CTNNA3: variants seen among roughly 807,000 people sequenced by gnomAD.
CTNNA3 encodes catenin alpha 3.
Under a neutral mutation model 95.7 loss-of-function variants are expected in CTNNA3, and 76 were observed. That is an observed-to-expected ratio of 0.79 (90% confidence interval 0.66 to 0.96). The LOEUF is 0.96. CTNNA3 is among the 40% of genes least tolerant of loss of function. The pLI, the probability that CTNNA3 is intolerant of heterozygous loss-of-function variation, is 0.00. For missense variants in CTNNA3, 1,191 were observed against 1,089.8 expected, an observed-to-expected ratio of 1.09 and a Z score of -1.31; for synonymous variants, 431 against 374.4, an observed-to-expected ratio of 1.15 and a Z score of -1.74.
At chr10:66,744,519 A>G (rs1849437543) in intron 9 of CTNNA3, among the ~76,000 whole-genome samples, 1 of 152,144 alleles carries the variant, frequency 6.6e-6, no homozygotes, top group South Asian at 2.1e-4. Flanking sequence ...GTGATTCAGG[A>G]CAACTCTATT....
chr10:67,457,570 A>G (rs1344000188), intron 5 of CTNNA3, among the ~76,000 whole-genome samples: 1 of 152,206 alleles, frequency 6.6e-6, no homozygotes, highest in Non-Finnish European at 1.5e-5. Context: ...ACAAATTATC[A>G]CAAATTTGGC....
intron 11 of CTNNA3, among the ~76,000 whole-genome samples, chr10:66,502,843 G>T (rs1449467071): frequency 6.6e-6 from 1 of 152,116 alleles, no homozygotes; most frequent in Non-Finnish European, 1.5e-5. Flanking sequence ...GCCACATATT[G>T]TTATTTTGTT....
chr10:66,213,809 T>A (rs2088334444), intron 13 of CTNNA3, among the ~76,000 whole-genome samples: 1 of 152,204 alleles, frequency 6.6e-6, no homozygotes, highest in Non-Finnish European at 1.5e-5. Flanking sequence ...GAAAGGGTAG[T>A]AGGCTACTGC....
chr10:67,196,176 T>G (rs189876058), intron 6 of CTNNA3, among the ~76,000 whole-genome samples: 1 of 152,204 alleles, frequency 6.6e-6, no homozygotes, highest in Non-Finnish European at 1.5e-5. Flanking sequence ...CCCTTTTGTC[T>G]AGTATATTTC....
chr10:67,309,985 C>A (rs909059360), intron 5 of CTNNA3, among the ~76,000 whole-genome samples: 1 of 152,132 alleles, frequency 6.6e-6, no homozygotes, highest in African/African-American at 2.4e-5. Flanking sequence ...TTTACCCAAA[C>A]AAGCTCCAGA....
chr10:67,255,280 A>G (rs957889907), intron 5 of CTNNA3, among the ~76,000 whole-genome samples: 4 of 152,046 alleles, frequency 2.6e-5, no homozygotes, highest in Non-Finnish European at 5.9e-5. Flanking sequence ...GGGCAACAAG[A>G]GCAAAACTCC....
At chr10:66,439,049 T>A (rs4628575) in intron 11 of CTNNA3, among the ~76,000 whole-genome samples, 17,811 of 152,038 alleles carry the variant, frequency 0.12, 1,513 homozygotes, top group African/African-American at 0.24. Context: ...CCCAATGAGA[T>A]GAGTCAGGTA....
intron 5 of CTNNA3, among the ~76,000 whole-genome samples, chr10:67,221,266 C>G (rs977570144): frequency 3.3e-5 from 5 of 152,130 alleles, no homozygotes; most frequent in Admixed American, 6.5e-5. Flanking sequence ...ACCACCTTTG[C>G]AACTTTTCTG....
At chr10:67,546,336 T>C (rs1840843346) in intron 3 of CTNNA3, among the ~76,000 whole-genome samples, 1 of 152,136 alleles carries the variant, frequency 6.6e-6, no homozygotes, top group Admixed American at 6.6e-5. Context: ...TCTCTTTTTG[T>C]TGCCCAAGCT....
At chr10:66,529,140 T>C (rs1841370417) in intron 10 of CTNNA3, among the ~76,000 whole-genome samples, 2 of 152,240 alleles carry the variant, frequency 1.3e-5, no homozygotes, top group Admixed American at 1.3e-4. Flanking sequence ...TATTATAATT[T>C]TTTTGAGACA....
At chr10:66,813,954 C>A (rs973997081) in intron 7 of CTNNA3, among the ~76,000 whole-genome samples, 7 of 151,858 alleles carry the variant, frequency 4.6e-5, no homozygotes, top group African/African-American at 1.7e-4. Context: ...ATGAAGGAAG[C>A]CTAAATTACG....
intron 11 of CTNNA3, among the ~76,000 whole-genome samples, chr10:66,500,888 T>C (rs1840256970): frequency 1.3e-5 from 2 of 152,230 alleles, no homozygotes; most frequent in East Asian, 1.9e-4. Flanking sequence ...AAAATTAATA[T>C]TTATAATTAA....
rs1404672438 is a variant in CTNNA3, at chr10:66,268,961, A to G, written c.1884+11509T>C. ...AGGAAAACAGGCTGGCATCAGACCA[A>G]CGTAAGGTTGATAAATAAACCATCA... On this transcript the variant is annotated intron_variant, in intron 13 of 17. Coordinates refer to ENST00000433211, the MANE Select transcript of CTNNA3 (RefSeq NM_013266.4). Among the ~76,000 whole-genome samples the G allele has an allele frequency of 2.6e-5, 4 of 152,180 alleles. No individual in the cohort carries two copies. In the East Asian group the frequency reaches 5.8e-4, roughly 22 times the overall value.
rs1349180369 is a variant in CTNNA3, at chr10:67,277,143, A to G, written c.580-57273T>C. On this transcript the variant is annotated intron_variant, in intron 5 of 17. Coordinates refer to ENST00000433211, the MANE Select transcript of CTNNA3 (RefSeq NM_013266.4). ...AATTAAGAAGAATATGCTGATCATC[A>G]CTCTACTTTATTGTTTCAAATTATC... Among the ~76,000 whole-genome samples, 3 of 152,062 alleles carry G rather than the reference A, an allele frequency of 2.0e-5. No homozygotes were observed. In the South Asian group the frequency reaches 6.2e-4, roughly 31 times the overall value.
chr10:67,008,521 A>G (rs752469877), intron 7 of CTNNA3, among the ~76,000 whole-genome samples: 1 of 152,106 alleles, frequency 6.6e-6, no homozygotes, highest in Non-Finnish European at 1.5e-5. Flanking sequence ...TATAAGAACA[A>G]TAATGTATTT....
intron 13 of CTNNA3, among the ~76,000 whole-genome samples, chr10:66,267,843 T>C (rs2091191359): frequency 6.6e-6 from 1 of 152,118 alleles, no homozygotes; most frequent in Non-Finnish European, 1.5e-5. Context: ...TATAGCTTAA[T>C]ATCTTAAATT....
intron 7 of CTNNA3, among the ~76,000 whole-genome samples, chr10:66,991,784 G>A (rs151098765): frequency 1.3e-5 from 2 of 152,272 alleles, no homozygotes; most frequent in African/African-American, 4.8e-5. Flanking sequence ...TATATCACAT[G>A]TAGGATATTT....
intron 12 of CTNNA3, among the ~76,000 whole-genome samples, chr10:66,343,795 A>G (rs555248644): frequency 3.9e-5 from 6 of 152,208 alleles, no homozygotes; most frequent in African/African-American, 1.4e-4. Context: ...GTGCATTACT[A>G]TACATTATAT....
chr10:66,338,889 A>T (rs1261508929), intron 12 of CTNNA3, among the ~76,000 whole-genome samples: 1 of 151,944 alleles, frequency 6.6e-6, no homozygotes, highest in African/African-American at 2.4e-5. Context: ...TACGCATGAA[A>T]TAATTTTAAA....
Sources: gnomAD v4.1 joint callset for allele counts (sites outside exome capture counted in the v4.1 genomes callset) on GRCh38, gnomAD v4.1.1 for gene constraint, MANE v1.5 for transcripts, NCBI Gene and HGNC (gene_info 2026-07-23, HGNC 2026-07-21) for gene names.